The following KCNH1 variants were observed in gnomAD, a reference collection of about 807,000 sequenced individuals.
KCNH1 encodes voltage-gated delayed rectifier potassium channel KCNH1.
KCNH1 carries 27 observed loss-of-function variants against 69.2 expected under a neutral mutation model. That is an observed-to-expected ratio of 0.39 (90% CI 0.29 to 0.54). The LOEUF is 0.54. KCNH1 is among the 20% of genes least tolerant of loss of function. The pLI is 0.68. For synonymous variants in KCNH1, 456 were observed against 487.7 expected (o/e 0.93, Z 0.86); for missense variants, 798 against 1,261.6 (o/e 0.63, Z 5.57).
chr1:211,128,718 G>T (rs1359468512), intron 1 of KCNH1, among the ~76,000 whole-genome samples: 1 of 152,118 alleles, frequency 6.6e-6, no homozygotes, highest in Non-Finnish European at 1.5e-5. Context: ...GTTAAAAGGG[G>T]AGAAGAATAC....
At chr1:210,861,913 CA>C in intron 7 of KCNH1, 3 of 770,104 alleles carry the variant, frequency 3.9e-6, no homozygotes, top group Non-Finnish European at 7.2e-6. Flanking sequence ...GGCAGTCCAG[CA>C]GCTTGGATAA....
chr1:211,034,903 A>G (rs1308645996), intron 5 of KCNH1, among the ~76,000 whole-genome samples: 1 of 152,198 alleles, frequency 6.6e-6, no homozygotes, highest in Non-Finnish European at 1.5e-5. Context: ...AATCCTCAGG[A>G]GGAAATGCCC....
chr1:210,715,366 A>G (rs1017314127), intron 10 of KCNH1, among the ~76,000 whole-genome samples: 1 of 152,246 alleles, frequency 6.6e-6, no homozygotes, highest in African/African-American at 2.4e-5. Context: ...TAAATAACAC[A>G]CAATATAAAT....
chr1:211,032,611 A>G (rs1689810537), intron 5 of KCNH1, among the ~76,000 whole-genome samples: 1 of 152,208 alleles, frequency 6.6e-6, no homozygotes, highest in Admixed American at 6.5e-5. Flanking sequence ...AATGCCACAT[A>G]TCTACAACTA....
chr1:210,919,877 C>T lies in KCNH1; in HGVS notation c.1225G>A (p.Asp409Asn). 1 of 1,614,178 alleles carries T rather than the reference C, an allele frequency of 6.2e-7. No homozygotes were observed. The highest frequency in any genetic ancestry group is 2.2e-5 in the East Asian group (1 of 44,888). Residue 409 changes from aspartate (D) to asparagine (N), a missense_variant, in exon 7 of 11, where the codon GAC becomes AAC. By Grantham distance (23) the Asp-to-Asn change is conservative. Around this residue, in one of 4 missense-constraint regions of KCNH1, gnomAD observed 197 missense variants for 407.7 expected, o/e 0.48. Coordinates refer to ENST00000271751, the MANE Select transcript of KCNH1 (RefSeq NM_172362.3). The surrounding 1 kb of genome is among the most constrained non-coding windows in gnomAD (Gnocchi z 4.2). ...CTGTTGTTGCGGATTGTCTTGGTGT[C>T]CTCGTCAAAGATCTCATAGTCCCCA... is the stretch of plus-strand genomic sequence containing the variant. ...SIGDYEIFDEDTKTIRNNSWL... is the reference protein window; with the variant it reads ...SIGDYEIFDENTKTIRNNSWL...
chr1:210,809,015 G>C (rs559274712), intron 7 of KCNH1, among the ~76,000 whole-genome samples: 2 of 152,190 alleles, frequency 1.3e-5, no homozygotes, highest in South Asian at 4.2e-4. Flanking sequence ...CAACCTCAAG[G>C]CAAAATGCTG....
At chr1:210,859,400 C>T (rs1188550348) in intron 7 of KCNH1, 14 of 1,590,104 alleles carry the variant, frequency 8.8e-6, no homozygotes, top group South Asian at 6.6e-5. Flanking sequence ...TGAAAGATAG[C>T]TTTAAATACC....
intron 7 of KCNH1, among the ~76,000 whole-genome samples, chr1:210,884,879 G>C (rs1445516972): frequency 6.6e-6 from 1 of 152,210 alleles, no homozygotes; most frequent in Non-Finnish European, 1.5e-5. Context: ...ACCAGGCAGA[G>C]AGAAAGAAGT....
At chr1:210,845,939 A>G (rs1345195136) in intron 7 of KCNH1, among the ~76,000 whole-genome samples, 1 of 149,542 alleles carries the variant, frequency 6.7e-6, no homozygotes, top group African/African-American at 2.5e-5. Flanking sequence ...CCAATAACAG[A>G]CAAACAGAGA....
At chr1:210,867,199 G>T (rs1686127650) in intron 7 of KCNH1, among the ~76,000 whole-genome samples, 1 of 151,780 alleles carries the variant, frequency 6.6e-6, no homozygotes, top group Non-Finnish European at 1.5e-5. Flanking sequence ...AGTGGTGATG[G>T]TTGCACAACT....
At chr1:210,699,005 G>T (rs1681710186) in intron 10 of KCNH1, among the ~76,000 whole-genome samples, 2 of 152,168 alleles carry the variant, frequency 1.3e-5, no homozygotes, top group South Asian at 4.1e-4. Context: ...AGCCTACTGT[G>T]CAACAGACCC....
intron 6 of KCNH1, among the ~76,000 whole-genome samples, chr1:210,995,554 G>T (rs1441509364): frequency 6.6e-6 from 1 of 152,136 alleles, no homozygotes; most frequent in African/African-American, 2.4e-5. Flanking sequence ...GCCCAGAAAG[G>T]CTGCAGAATT....
chr1:210,983,867 T>C (rs1376741495), intron 6 of KCNH1, among the ~76,000 whole-genome samples: 1 of 152,232 alleles, frequency 6.6e-6, no homozygotes, highest in East Asian at 1.9e-4. Flanking sequence ...TTGGGCAGTA[T>C]GGCCATTTTC....
intron 9 of KCNH1, among the ~76,000 whole-genome samples, chr1:210,788,395 A>T (rs1684143174): frequency 6.6e-6 from 1 of 152,208 alleles, no homozygotes; most frequent in Non-Finnish European, 1.5e-5. Context: ...TCTTCATATC[A>T]TTATCATAAC....
At chr1:210,841,992 T>C (rs1214942822) in intron 7 of KCNH1, among the ~76,000 whole-genome samples, 1 of 152,114 alleles carries the variant, frequency 6.6e-6, no homozygotes. Context: ...GAGCTCCTTC[T>C]TCAACAAAAT....
In KCNH1 at chr1:210,804,010, A is replaced by G; in HGVS notation, c.1619T>C (p.Ile540Thr). 1 of 1,614,208 alleles carries G rather than the reference A, an allele frequency of 6.2e-7. No homozygotes were observed. Among genetic ancestry groups the G allele is most frequent in the Non-Finnish European group, 8.5e-7 (1 of 1,180,038 alleles). Residue 540 changes from isoleucine to threonine, a missense_variant, in exon 8 of 11, where the codon ATT becomes ACT. Physicochemically the swap from Ile to Thr is moderately conservative, Grantham distance 89. This residue lies in a region of KCNH1 where 197 missense variants were observed against 407.7 expected (regional missense o/e 0.48). Coordinates refer to ENST00000271751, the MANE Select transcript of KCNH1 (RefSeq NM_172362.3). ...TCTGGACATGGACCAAGTGGACACA[A>G]TATAATCCATTACTCGCTCACTCAA... The part of the protein sequence containing the change: ...KGLSERVMDY[I>T]VSTWSMSRGI...
chr1:210,925,645 G>A (rs1205115102), intron 6 of KCNH1, among the ~76,000 whole-genome samples: 2 of 152,172 alleles, frequency 1.3e-5, no homozygotes, highest in Non-Finnish European at 2.9e-5. Flanking sequence ...CTCAGCACAG[G>A]CAGCCATCAT....
rs542240334 is a variant in KCNH1 at position 210,932,703 on chromosome 1, G to A, written c.1033-12634C>T. 1.1e-3 allele frequency among the ~76,000 whole-genome samples: 171 copies of A among 152,166 alleles called. 1 individual carries two copies. The highest frequency in any genetic ancestry group is 4.0e-3 in the African/African-American group (167 of 41,516). ...AAACAGAAACCAAAACCAAGCAGGA[G>A]TAGCACACTTATGTCAGATAAAATA... On this transcript the variant is annotated intron_variant, in intron 6 of 10. Transcript: ENST00000271751.
At chr1:210,808,725 T>C (rs1351086069) in intron 7 of KCNH1, among the ~76,000 whole-genome samples, 1 of 152,056 alleles carries the variant, frequency 6.6e-6, no homozygotes, top group African/African-American at 2.4e-5. Context: ...GGATTACATG[T>C]TTTTCATGCA....
Sources: gnomAD v4.1 joint callset for allele counts (sites outside exome capture counted in the v4.1 genomes callset) on GRCh38, gnomAD v4.1.1 for gene constraint, gnomAD v4.1.1 regional missense constraint, Gnocchi (gnomAD v3.1) non-coding constraint, MANE v1.5 for transcripts, NCBI Gene and HGNC (gene_info 2026-07-23, HGNC 2026-07-21) for gene names.